PRORP: variants seen among roughly 807,000 people sequenced by gnomAD.
PRORP encodes the protein protein only RNase P catalytic subunit, also known as mitochondrial ribonuclease P catalytic subunit.
Under a neutral mutation model 59.4 loss-of-function variants are expected in PRORP, and 51 were observed. That is an observed-to-expected ratio of 0.86 (90% CI 0.69 to 1.08). The LOEUF is 1.08. Among genes scored for constraint, PRORP ranks in the 50% least tolerant of loss-of-function variants. The pLI, the probability that PRORP is intolerant of heterozygous loss-of-function variation, is 0.00. For synonymous variants in PRORP, 231 were observed against 245.6 expected, an observed-to-expected ratio of 0.94 and a Z score of 0.55; for missense variants, 646 against 690.3, an observed-to-expected ratio of 0.94 and a Z score of 0.72.
intron 5 of PRORP, among the ~76,000 whole-genome samples, chr14:35,206,720 A>G (rs942844170): frequency 6.6e-6 from 1 of 152,168 alleles, no homozygotes; most frequent in Non-Finnish European, 1.5e-5. Flanking sequence ...TATAGGTAAG[A>G]TAGTGAGCCT....
At chr14:35,179,610 T>C (rs1179893024) in intron 4 of PRORP, among the ~76,000 whole-genome samples, 1 of 152,184 alleles carries the variant, frequency 6.6e-6, no homozygotes, top group East Asian at 1.9e-4. Context: ...AGGACTTCTC[T>C]ACACTGGTTA....
At chr14:35,218,778 C>T (rs906226052) in intron 5 of PRORP, among the ~76,000 whole-genome samples, 3 of 151,928 alleles carry the variant, frequency 2.0e-5, no homozygotes, top group African/African-American at 7.3e-5. Context: ...CGCCCACCTT[C>T]GCCTCCCAAA....
At chr14:35,126,197 T>G (rs1347242641) in intron 2 of PRORP, among the ~76,000 whole-genome samples, 2 of 152,042 alleles carry the variant, frequency 1.3e-5, no homozygotes, top group Non-Finnish European at 2.9e-5. Context: ...AGTAGAATCA[T>G]AAGAACTGAT....
chr14:35,252,488 G>A (rs928742781), intron 5 of PRORP, among the ~76,000 whole-genome samples: 1 of 152,140 alleles, frequency 6.6e-6, no homozygotes, highest in African/African-American at 2.4e-5. Flanking sequence ...ATCCTTTCTG[G>A]CTGTCTTCCA....
At chr14:35,237,721 C>G (rs2050256502) in intron 5 of PRORP, among the ~76,000 whole-genome samples, 1 of 152,160 alleles carries the variant, frequency 6.6e-6, no homozygotes, top group South Asian at 2.1e-4. Flanking sequence ...TACAGTGGTG[C>G]TATCTCGGCT....
intron 5 of PRORP, among the ~76,000 whole-genome samples, chr14:35,191,947 C>G (rs1566488362): frequency 6.6e-6 from 1 of 151,314 alleles, no homozygotes; most frequent in African/African-American, 2.5e-5. Flanking sequence ...TTTAACCCCC[C>G]AAAATATCCC....
At chr14:35,179,150 C>T (rs1462982118) in intron 4 of PRORP, among the ~76,000 whole-genome samples, 1 of 152,214 alleles carries the variant, frequency 6.6e-6, no homozygotes, top group Admixed American at 6.5e-5. Context: ...GGAACCTGAC[C>T]TTTCTCTCTA....
intron 6 of PRORP, 28 bp downstream of exon 6, chr14:35,266,903 A>T (rs1197230397): frequency 3.1e-6 from 5 of 1,613,320 alleles, no homozygotes; most frequent in Non-Finnish European, 4.2e-6. Context: ...TAGGTGAATT[A>T]TACTGTGCTG....
At chr14:35,144,891 C>A (rs765437078) in intron 4 of PRORP, among the ~76,000 whole-genome samples, 1 of 145,842 alleles carries the variant, frequency 6.9e-6, no homozygotes, top group Non-Finnish European at 1.5e-5. Flanking sequence ...TATCTTATTA[C>A]ACAAGCATAT....
chr14:35,243,001 A>G (rs558671811), intron 5 of PRORP, among the ~76,000 whole-genome samples: 15 of 152,168 alleles, frequency 9.9e-5, no homozygotes, highest in Non-Finnish European at 2.1e-4. Flanking sequence ...CTTTGTTTTT[A>G]CAAGGAGTTT....
intron 5 of PRORP, among the ~76,000 whole-genome samples, chr14:35,250,263 T>C (rs1335501852): frequency 1.3e-5 from 2 of 151,864 alleles, no homozygotes; most frequent in Non-Finnish European, 2.9e-5. Flanking sequence ...AGATGTCTTA[T>C]ACCCCTCAAA....
At chr14:35,196,203 G>C (rs1477520685) in intron 5 of PRORP, among the ~76,000 whole-genome samples, 1 of 152,234 alleles carries the variant, frequency 6.6e-6, no homozygotes, top group Non-Finnish European at 1.5e-5. Flanking sequence ...GGCCAGGCAT[G>C]GTGGCTCATA....
At position 35,123,352 on chromosome 14, in the gene PRORP, G is replaced by A. The variant is rs1423600838; in HGVS notation, c.107G>A (p.Arg36His). 2.5e-6 allele frequency: 4 copies of A among 1,613,896 alleles called. No individual in the cohort carries two copies. The highest frequency in any genetic ancestry group is 1.1e-5 in the South Asian group (1 of 91,094). ...HSYVSLFLAD[R>H]CGIRNQQRLF... ...TATGTCTCGCTGTTTCTGGCAGACC[G>A]CTGTGGCATCAGGAACCAGCAGAGG... Residue 36 changes from arginine (R) to histidine (H), a missense_variant, in exon 2 of 8, where the codon CGC (arginine) becomes CAC (histidine). By Grantham distance (29) the Arg-to-His change is conservative. Coordinates refer to ENST00000534898, the MANE Select transcript of PRORP (RefSeq NM_014672.4).
At chr14:35,132,958 G>C (rs911061265) in intron 4 of PRORP, among the ~76,000 whole-genome samples, 5 of 152,072 alleles carry the variant, frequency 3.3e-5, no homozygotes, top group African/African-American at 1.2e-4. Flanking sequence ...GTGTTGTTCT[G>C]TTGCCCAGGC....
chr14:35,185,903 G>T (rs1050016459), intron 5 of PRORP, among the ~76,000 whole-genome samples: 6 of 152,150 alleles, frequency 3.9e-5, no homozygotes, highest in African/African-American at 1.4e-4. Flanking sequence ...GAACTATATG[G>T]ATTAATGTAC....
intron 5 of PRORP, among the ~76,000 whole-genome samples, chr14:35,188,466 G>A (rs1423434409): frequency 1.3e-5 from 2 of 151,632 alleles, no homozygotes; most frequent in Non-Finnish European, 2.9e-5. Flanking sequence ...TGGGATTACA[G>A]GTGTGAGCCA....
At chr14:35,198,857 C>T (rs1381182011) in intron 5 of PRORP, among the ~76,000 whole-genome samples, 1 of 151,900 alleles carries the variant, frequency 6.6e-6, no homozygotes, top group East Asian at 1.9e-4. Context: ...ATGGTGAAAC[C>T]CCGTCTCTAC....
intron 5 of PRORP, among the ~76,000 whole-genome samples, chr14:35,256,639 T>C (rs953446201): frequency 2.6e-5 from 4 of 151,468 alleles, no homozygotes; most frequent in African/African-American, 7.3e-5. Context: ...CCTGTGCTTA[T>C]CTTTTAAAGC....
intron 5 of PRORP, among the ~76,000 whole-genome samples, chr14:35,225,780 C>T (rs998815754): frequency 6.6e-6 from 1 of 152,084 alleles, no homozygotes; most frequent in African/African-American, 2.4e-5. Flanking sequence ...GGCACAGTGG[C>T]TCACACCTGT....
Sources: gnomAD v4.1 joint callset for allele counts (sites outside exome capture counted in the v4.1 genomes callset) on GRCh38, gnomAD v4.1.1 for gene constraint, MANE v1.5 for transcripts, NCBI Gene and HGNC (gene_info 2026-07-23, HGNC 2026-07-21) for gene names.